The following SLC24A2 variants were observed in gnomAD, a reference collection of about 807,000 sequenced individuals.
The protein encoded by SLC24A2 is solute carrier family 24 member 2.
A neutral mutation model predicts 62.0 loss-of-function variants in SLC24A2; 36 were observed. The ratio of observed to expected loss-of-function variants is 0.58; its 90% CI spans 0.44 to 0.77. SLC24A2 has a LOEUF of 0.77. Among genes scored for constraint, SLC24A2 ranks in the 30% least tolerant of loss-of-function variants. The pLI is 0.00. For synonymous variants in SLC24A2, 358 were observed against 294.0 expected (o/e 1.22, Z -2.23); for missense variants, 846 against 817.9 (o/e 1.03, Z -0.42).
intron 2 of SLC24A2, among the ~76,000 whole-genome samples, chr9:19,631,147 T>C (rs114472660): frequency 1.2e-3 from 188 of 152,330 alleles, no homozygotes; most frequent in African/African-American, 4.3e-3. Context: ...CCACAGTACC[T>C]AGCATAGTGG....
At chr9:20,009,871 T>C in the SLC24A2 span, among the ~76,000 whole-genome samples, 1 of 152,068 alleles carries the variant, frequency 6.6e-6, no homozygotes, top group African/African-American at 2.4e-5. Flanking sequence ...CCCACACATA[T>C]CTGTGGAGCA....
chr9:19,845,239 T>C, the SLC24A2 span, among the ~76,000 whole-genome samples: 1 of 152,182 alleles, frequency 6.6e-6, no homozygotes, highest in Non-Finnish European at 1.5e-5. Flanking sequence ...CCTCCTTGGA[T>C]AGATGCATTC....
the SLC24A2 span, among the ~76,000 whole-genome samples, chr9:19,944,166 G>C: frequency 6.6e-6 from 1 of 152,126 alleles, no homozygotes; most frequent in Non-Finnish European, 1.5e-5. Flanking sequence ...ACAATGCTCA[G>C]CACCTAGGTC....
the SLC24A2 span, among the ~76,000 whole-genome samples, chr9:19,880,569 T>C: frequency 6.6e-6 from 1 of 152,170 alleles, no homozygotes; most frequent in Admixed American, 6.6e-5. Context: ...GAGAAGTTGA[T>C]GTGACTTAGG....
At chr9:19,878,867 C>T in the SLC24A2 span, among the ~76,000 whole-genome samples, 20 of 152,178 alleles carry the variant, frequency 1.3e-4, no homozygotes, top group African/African-American at 4.8e-4. Context: ...CTAATATAAT[C>T]TCCTTCCCCT....
chr9:20,096,751 T>C, the SLC24A2 span, among the ~76,000 whole-genome samples: 1 of 147,838 alleles, frequency 6.8e-6, no homozygotes, highest in South Asian at 2.2e-4. Flanking sequence ...GAATATTCTT[T>C]TTTTTAATGT....
chr9:19,799,221 C>T, the SLC24A2 span, among the ~76,000 whole-genome samples: 19 of 151,932 alleles, frequency 1.3e-4, no homozygotes, highest in Non-Finnish European at 2.5e-4. Context: ...ATCTTTCATT[C>T]ATTCTCTTAG....
chr9:19,638,198 G>T (rs914553090), intron 2 of SLC24A2, among the ~76,000 whole-genome samples: 1 of 152,114 alleles, frequency 6.6e-6, no homozygotes, highest in African/African-American at 2.4e-5. Context: ...TGAGGTTATA[G>T]GTCAGGTGAG....
At chr9:20,175,749 T>C in the SLC24A2 span, among the ~76,000 whole-genome samples, 1 of 152,212 alleles carries the variant, frequency 6.6e-6, no homozygotes, top group Admixed American at 6.6e-5. Context: ...CAGTGTGTTA[T>C]TACTCTTTAG....
chr9:19,850,932 CATAT>C, the SLC24A2 span, among the ~76,000 whole-genome samples: 1 of 48,806 alleles, frequency 2.0e-5, no homozygotes, highest in African/African-American at 6.4e-5. Flanking sequence ...CTCATGTGGG[CATAT>C]ATATATATAC....
the SLC24A2 span, among the ~76,000 whole-genome samples, chr9:19,797,856 G>A: frequency 8.7e-4 from 132 of 152,278 alleles, no homozygotes; most frequent in Middle Eastern, 3.4e-3. Flanking sequence ...GATGGGGAAC[G>A]GTGTTTGCAG....
At chr9:20,170,357 A>G in the SLC24A2 span, among the ~76,000 whole-genome samples, 6 of 152,008 alleles carry the variant, frequency 3.9e-5, no homozygotes, top group Admixed American at 3.9e-4. Context: ...GAGCACAGAG[A>G]GCAAAGGAGA....
chr9:19,620,108 T>C (rs1817873564), intron 3 of SLC24A2, among the ~76,000 whole-genome samples: 1 of 152,216 alleles, frequency 6.6e-6, no homozygotes, highest in South Asian at 2.1e-4. Flanking sequence ...CCAGGTCTGC[T>C]TTTCTCAATG....
At position 19,565,005 on chromosome 9, in the gene SLC24A2, G is replaced by A. The variant is rs574755684; in HGVS notation, c.1347+8346C>T. On this transcript the variant is annotated intron_variant, in intron 7 of 10. Transcript: ENST00000341998. ...TTGCCTTGAATTGTCTTTCAAACCT[G>A]GCTAAATTCTCAACATCACTGGAAG... 9.1e-4 allele frequency among the ~76,000 whole-genome samples: 139 copies of A among 152,198 alleles called. 2 individuals carry two copies. Among genetic ancestry groups the A allele is most frequent in the Admixed American group, 8.9e-3 (136 of 15,296 alleles).
In SLC24A2 at chr9:19,574,023, G is replaced by T. The variant is rs183217688; in HGVS notation, c.1229-554C>A. Among the ~76,000 whole-genome samples the T allele has an allele frequency of 3.3e-3, 498 of 152,284 alleles. 2 individuals are homozygous for T. The highest frequency in any genetic ancestry group is 0.02 in the Middle Eastern group (6 of 294). On this transcript the variant is annotated intron_variant, in intron 6 of 10. Coordinates refer to ENST00000341998, the MANE Select transcript of SLC24A2 (RefSeq NM_020344.4). Reference sequence around the variant, plus strand: ...CTAGACTTTACCCTGCTTTGATCGGGTTGCTATCTTAGGCTAGTTCCCTTC... The same window carrying T: ...CTAGACTTTACCCTGCTTTGATCGGTTTGCTATCTTAGGCTAGTTCCCTTC...
intron 2 of SLC24A2, among the ~76,000 whole-genome samples, chr9:19,738,333 A>T (rs879815795): frequency 2.0e-5 from 3 of 152,138 alleles, no homozygotes; most frequent in African/African-American, 7.2e-5. Flanking sequence ...ATATGGAGAA[A>T]TGTTTTTCTG....
At chr9:20,140,749 A>G in the SLC24A2 span, among the ~76,000 whole-genome samples, 1 of 151,698 alleles carries the variant, frequency 6.6e-6, no homozygotes, top group Admixed American at 6.6e-5. Flanking sequence ...ACAACCCCCC[A>G]CTTCTCTCAA....
chr9:19,653,293 C>T lies in SLC24A2; in HGVS notation c.931-30994G>A, dbSNP rs541257812. ...AGCTCATTGACGTTCTGTTAGGACACTTAATCACGTGCAATCATTGACTAT... is the reference window on the plus strand; with the variant it reads ...AGCTCATTGACGTTCTGTTAGGACATTTAATCACGTGCAATCATTGACTAT... On this transcript the variant is annotated intron_variant, in intron 2 of 10. Coordinates refer to ENST00000341998, the MANE Select transcript of SLC24A2 (RefSeq NM_020344.4). Among the ~76,000 whole-genome samples, 238 of 152,308 alleles carry T rather than the reference C, an allele frequency of 1.6e-3. 1 individual carries two copies. Among genetic ancestry groups the T allele is most frequent in the African/African-American group, 5.6e-3 (233 of 41,570 alleles).
intron 8 of SLC24A2, among the ~76,000 whole-genome samples, chr9:19,545,364 G>A (rs1350370670): frequency 6.6e-6 from 1 of 151,906 alleles, no homozygotes; most frequent in Non-Finnish European, 1.5e-5. Context: ...CCTTGCATTG[G>A]GTTAGAACAT....
Sources: allele counts gnomAD v4.1 joint callset (sites outside exome capture counted in the v4.1 genomes callset), GRCh38; gene constraint gnomAD v4.1.1; transcripts MANE v1.5; gene names NCBI Gene and HGNC (gene_info 2026-07-23, HGNC 2026-07-21).